CCDC90B: variants seen among roughly 807,000 people sequenced by gnomAD.
CCDC90B encodes coiled-coil domain-containing protein 90B, mitochondrial.
In CCDC90B, 24 loss-of-function variants were observed where a neutral mutation model predicts 37.0. That is an observed-to-expected ratio of 0.65 (90% CI 0.47 to 0.91). The LOEUF (loss-of-function observed/expected upper bound fraction) is 0.91. Among genes scored for constraint, CCDC90B ranks in the 40% least tolerant of loss-of-function variants. The probability of loss-of-function intolerance (pLI) is 0.00; values close to 1 mark genes in which losing one functional copy is unlikely to be tolerated. For missense variants in CCDC90B, 319 were observed against 299.0 expected, an observed-to-expected ratio of 1.07 and a Z score of -0.49; for synonymous variants, 113 against 101.1, an observed-to-expected ratio of 1.12 and a Z score of -0.71.
In CCDC90B at chr11:83,286,317, G is replaced by A. The variant is rs1865692973; in HGVS notation, c.-345C>T. 1 of 884,052 alleles carries A rather than the reference G, an allele frequency of 1.1e-6. No individual in the cohort carries two copies. The highest frequency in any genetic ancestry group is 1.7e-5 in the African/African-American group (1 of 59,318). 54.8% of individuals were successfully genotyped at this position (884,052 alleles called of 1,614,324 possible). A position where few individuals can be genotyped will look rare whatever the true frequency, so the allele number is the denominator to read the frequency against. The stretch of plus-strand genomic sequence containing the variant: ...ATAGTCCAACAGCTGGCTCCCCCAA[G>A]ATAGCCAGCGGCCATTACGCGCTTG... On this transcript the variant is annotated 5_prime_UTR_variant, in exon 1 of 9. Transcript: ENST00000529689.
chr11:83,283,351 A>G (rs1865502645), intron 1 of CCDC90B, among the ~76,000 whole-genome samples: 1 of 152,264 alleles, frequency 6.6e-6, no homozygotes, highest in Non-Finnish European at 1.5e-5. Context: ...GATGAATGAA[A>G]TCAGCAAAAT....
intron 1 of CCDC90B, among the ~76,000 whole-genome samples, chr11:83,282,132 T>C (rs955326637): frequency 1.3e-5 from 2 of 152,284 alleles, no homozygotes; most frequent in South Asian, 4.1e-4. Flanking sequence ...GATGGGCATT[T>C]TGTAAACACG....
intron 7 of CCDC90B, among the ~76,000 whole-genome samples, chr11:83,270,013 A>G (rs1396513989): frequency 1.3e-5 from 2 of 152,242 alleles, no homozygotes; most frequent in African/African-American, 4.8e-5. Flanking sequence ...ACACAAATCA[A>G]TAAACGTAAT....
Position 83,286,137 on chromosome 11 carries a change from G to T in CCDC90B, c.-165C>A. 6.5e-7 allele frequency: 1 copy of T among 1,536,230 alleles called. No homozygotes were observed. Among genetic ancestry groups the T allele is most frequent in the Non-Finnish European group, 8.7e-7 (1 of 1,146,910 alleles). ...GCGCCACCGTGGTCCCACGAAACTG[G>T]GTCTCTTCACAGACAGACCCACAGT... On this transcript the variant is annotated 5_prime_UTR_variant, in exon 1 of 9. Transcript: ENST00000529689.
At chr11:83,262,231 C>T (rs575227275) in intron 8 of CCDC90B, among the ~76,000 whole-genome samples, 8 of 152,156 alleles carry the variant, frequency 5.3e-5, no homozygotes, top group African/African-American at 1.4e-4. Context: ...AAATCATTAA[C>T]GCTAGCATTA....
At chr11:83,282,601 T>C (rs1441533037) in intron 1 of CCDC90B, among the ~76,000 whole-genome samples, 2 of 152,224 alleles carry the variant, frequency 1.3e-5, no homozygotes, top group African/African-American at 4.8e-5. Flanking sequence ...GGCTCTTTGA[T>C]TTTAATTCCA....
intron 2 of CCDC90B, among the ~76,000 whole-genome samples, chr11:83,279,271 ACT>A (rs1432395883): frequency 2.0e-5 from 3 of 151,526 alleles, no homozygotes; most frequent in East Asian, 1.9e-4. Flanking sequence ...ACAGAGCGAG[ACT>A]CTGTCTCAAA....
At chr11:83,285,600 C>T (rs77117678) in intron 1 of CCDC90B, 2 of 1,305,666 alleles carry the variant, frequency 1.5e-6, no homozygotes, top group South Asian at 1.8e-5. Flanking sequence ...CACCAAAAAA[C>T]GGAAACAACG....
Position 83,274,712 on chromosome 11 carries a change from T to A in CCDC90B, c.353A>T (p.His118Leu). 1 of 1,610,850 alleles carries A rather than the reference T, an allele frequency of 6.2e-7. No homozygotes were observed. Among genetic ancestry groups the A allele is most frequent in the Non-Finnish European group, 8.5e-7 (1 of 1,177,940 alleles). Reference sequence around the variant, plus strand: ...CATGTCTTTCCTGATAGCATCCAAATGAGCCATTAGCTGTTGTACTGTTAT... The same window carrying A: ...CATGTCTTTCCTGATAGCATCCAAAAGAGCCATTAGCTGTTGTACTGTTAT... ...QEITVQQLMAHLDAIRKDMVI... is the reference protein window; with the variant it reads ...QEITVQQLMALLDAIRKDMVI... Residue 118 changes from histidine to leucine, a missense_variant, in exon 4 of 9, where the codon CAT (histidine) becomes CTT (leucine). His to Leu is a moderately conservative substitution (Grantham distance 99, BLOSUM62 -3). Transcript: ENST00000529689.
At chr11:83,272,325 T>C (rs1463776149) in intron 7 of CCDC90B, among the ~76,000 whole-genome samples, 2 of 152,156 alleles carry the variant, frequency 1.3e-5, no homozygotes, top group Admixed American at 1.3e-4. Flanking sequence ...GATCATCTTT[T>C]AGGGGTATGA....
chr11:83,282,222 G>A (rs1490308061), intron 1 of CCDC90B, among the ~76,000 whole-genome samples: 1 of 152,188 alleles, frequency 6.6e-6, no homozygotes, highest in Non-Finnish European at 1.5e-5. Context: ...TGGCTAACTG[G>A]GAGCTGCGGC....
intron 2 of CCDC90B, among the ~76,000 whole-genome samples, chr11:83,279,834 A>G (rs1394148218): frequency 1.3e-5 from 2 of 151,574 alleles, no homozygotes; most frequent in Non-Finnish European, 1.5e-5. Flanking sequence ...TTATTTTTTA[A>G]TCTCAAACAT....
chr11:83,285,047 A>G, intron 1 of CCDC90B: 1 of 939,554 alleles, frequency 1.1e-6, no homozygotes, highest in Non-Finnish European at 1.4e-6. Flanking sequence ...AAATGAAACA[A>G]TGAGCAAAAT....
At chr11:83,276,471 C>T (rs1283827572) in intron 3 of CCDC90B, among the ~76,000 whole-genome samples, 1 of 152,154 alleles carries the variant, frequency 6.6e-6, no homozygotes, top group Non-Finnish European at 1.5e-5. Context: ...CCTCAGCCTC[C>T]TGAGTAGCTG....
chr11:83,285,120 A>G, intron 1 of CCDC90B: 8 of 1,243,498 alleles, frequency 6.4e-6, no homozygotes, highest in Non-Finnish European at 8.2e-6. Flanking sequence ...CGAATGGCTC[A>G]GCGTACCTGG....
intron 7 of CCDC90B, among the ~76,000 whole-genome samples, 179 bp from the exon 8 acceptor site, chr11:83,266,158 A>G (rs1028501026): frequency 6.6e-6 from 1 of 152,196 alleles, no homozygotes; most frequent in Non-Finnish European, 1.5e-5. Context: ...CCAAAAGGGA[A>G]CAGCTCCACT....
At chr11:83,285,695 C>T (rs1007257328) in intron 1 of CCDC90B, 178 bp downstream of exon 1, 3 of 1,432,392 alleles carry the variant, frequency 2.1e-6, no homozygotes, top group Admixed American at 2.9e-5. Context: ...CAGTCCTCGC[C>T]CCTTGGGGCG....
chr11:83,280,622 G>A (rs1000465380), intron 1 of CCDC90B, among the ~76,000 whole-genome samples: 1 of 152,218 alleles, frequency 6.6e-6, no homozygotes, highest in African/African-American at 2.4e-5. Flanking sequence ...CTCAGTAATA[G>A]TCTTTCAAAG....
intron 3 of CCDC90B, among the ~76,000 whole-genome samples, chr11:83,275,782 C>G (rs531861493): frequency 1.1e-4 from 17 of 152,302 alleles, no homozygotes; most frequent in African/African-American, 4.1e-4. Flanking sequence ...CTGCCATTTA[C>G]TGTGAGATGC....
Sources: gnomAD v4.1 joint callset for allele counts (sites outside exome capture counted in the v4.1 genomes callset) on GRCh38, gnomAD v4.1.1 for gene constraint, MANE v1.5 for transcripts, NCBI Gene and HGNC (gene_info 2026-07-23, HGNC 2026-07-21) for gene names.